The following THSD7A variants were observed in gnomAD, a reference collection of about 807,000 sequenced individuals.
THSD7A encodes the protein thrombospondin type-1 domain-containing protein 7A.
In THSD7A, 96 loss-of-function variants were observed where a neutral mutation model predicts 231.3. The ratio of observed to expected loss-of-function variants is 0.41; its 90% confidence interval spans 0.35 to 0.49. The LOEUF (loss-of-function observed/expected upper bound fraction) is 0.49. Among genes scored for constraint, THSD7A ranks in the 20% least tolerant of loss-of-function variants. THSD7A has a pLI of 0.05. For synonymous variants in THSD7A, 940 were observed against 743.3 expected (o/e 1.26, Z -4.30); for missense variants, 2,290 against 2,070.2 (o/e 1.11, Z -2.06).
intron 1 of THSD7A, among the ~76,000 whole-genome samples, chr7:11,719,658 T>C (rs2128152407): frequency 6.6e-6 from 1 of 151,714 alleles, no homozygotes; most frequent in Middle Eastern, 3.4e-3. Context: ...CTCCAGTCAT[T>C]AGAACTGTGG....
At position 11,636,956 on chromosome 7, in the gene THSD7A, A is replaced by T; in HGVS notation, c.196T>A (p.Trp66Arg). The T allele has an allele frequency of 6.3e-7, 1 of 1,598,522 alleles. No homozygotes were observed. Among genetic ancestry groups the T allele is most frequent in the Non-Finnish European group, 8.5e-7 (1 of 1,173,638 alleles). ...PTLYLWKTGP[W>R]GRCMGDECGP... ...CATTCATCTCCCATACATCGGCCCC[A>T]TGGACCTACAAAAATTATAACACAA... Residue 66 changes from tryptophan to arginine, a missense_variant, in exon 2 of 28, where the codon TGG becomes AGG. Transcript: ENST00000423059. The surrounding 1 kb of genome is among the most constrained non-coding windows in gnomAD (Gnocchi z 10.0).
intron 4 of THSD7A, among the ~76,000 whole-genome samples, chr7:11,582,927 G>GT (rs34447398): frequency 0.063 from 9,428 of 150,628 alleles, 528 homozygotes; most frequent in African/African-American, 0.15. Context: ...GTATATCTGT[G>GT]TTTTTTTTTA....
intron 13 of THSD7A, among the ~76,000 whole-genome samples, chr7:11,430,640 A>ATG (rs1312945960): frequency 1.3e-5 from 2 of 150,756 alleles, no homozygotes; most frequent in African/African-American, 2.4e-5. Flanking sequence ...GAATTTTCAT[A>ATG]TATATATATA....
intron 4 of THSD7A, among the ~76,000 whole-genome samples, chr7:11,575,071 G>A (rs1790831416): frequency 6.6e-6 from 1 of 152,076 alleles, no homozygotes; most frequent in African/African-American, 2.4e-5. Flanking sequence ...TTACCTCATA[G>A]GATTATAGTG....
intron 23 of THSD7A, among the ~76,000 whole-genome samples, chr7:11,390,970 T>G (rs1309390124): frequency 2.0e-5 from 3 of 152,198 alleles, no homozygotes; most frequent in Non-Finnish European, 4.4e-5. Flanking sequence ...CTCTGAAAAC[T>G]TCATCCCAGA....
intron 6 of THSD7A, among the ~76,000 whole-genome samples, chr7:11,499,724 T>G (rs1433926813): frequency 6.6e-6 from 1 of 152,176 alleles, no homozygotes; most frequent in Admixed American, 6.5e-5. Flanking sequence ...ATCTCAGAAC[T>G]TGAAGACTGG....
chr7:11,669,042 A>G (rs926465272), intron 1 of THSD7A, among the ~76,000 whole-genome samples: 2 of 152,162 alleles, frequency 1.3e-5, no homozygotes, highest in African/African-American at 4.8e-5. Flanking sequence ...TTCTCAGTTC[A>G]AACTATTTAT....
intron 6 of THSD7A, among the ~76,000 whole-genome samples, chr7:11,525,281 T>G (rs1424032014): frequency 1.3e-5 from 2 of 150,826 alleles, no homozygotes; most frequent in African/African-American, 4.9e-5. Flanking sequence ...AAATTCACCC[T>G]GCCAAGAAAT....
intron 1 of THSD7A, among the ~76,000 whole-genome samples, chr7:11,689,218 T>G (rs556379010): frequency 7.6e-4 from 116 of 152,020 alleles, no homozygotes; most frequent in Non-Finnish European, 1.4e-3. Flanking sequence ...ACCAAATTGG[T>G]TAAAGCTGCT....
At chr7:11,668,875 T>C (rs976956905) in intron 1 of THSD7A, among the ~76,000 whole-genome samples, 1 of 152,168 alleles carries the variant, frequency 6.6e-6, no homozygotes, top group East Asian at 1.9e-4. Context: ...ATATATAGGG[T>C]GTAGATATGT....
intron 6 of THSD7A, among the ~76,000 whole-genome samples, chr7:11,485,848 G>A (rs1786635149): frequency 6.6e-6 from 1 of 152,208 alleles, no homozygotes; most frequent in African/African-American, 2.4e-5. Context: ...TTGTTGATGA[G>A]TCCAGTGGGA....
At chr7:11,491,033 C>G (rs541269948) in intron 6 of THSD7A, among the ~76,000 whole-genome samples, 1 of 152,216 alleles carries the variant, frequency 6.6e-6, no homozygotes, top group East Asian at 1.9e-4. Flanking sequence ...CTAAACCCCA[C>G]TGTGTTCCAA....
intron 1 of THSD7A, among the ~76,000 whole-genome samples, chr7:11,773,388 A>C (rs1783298183): frequency 6.6e-6 from 1 of 152,000 alleles, no homozygotes; most frequent in Non-Finnish European, 1.5e-5. Context: ...GAAATTAGCC[A>C]GGCATGGTGG....
At chr7:11,629,573 G>C (rs1195876013) in intron 2 of THSD7A, among the ~76,000 whole-genome samples, 1 of 152,134 alleles carries the variant, frequency 6.6e-6, no homozygotes, top group Non-Finnish European at 1.5e-5. Flanking sequence ...CTTTCTCTTT[G>C]GTAAGGTTAG....
intron 1 of THSD7A, among the ~76,000 whole-genome samples, chr7:11,671,199 G>A (rs956949508): frequency 1.3e-5 from 2 of 152,184 alleles, no homozygotes; most frequent in African/African-American, 4.8e-5. Flanking sequence ...CCTAGCACTA[G>A]TGAAATCAAT....
At position 11,636,074 on chromosome 7, in the gene THSD7A, G is replaced by A. The variant is rs1054648436; in HGVS notation, c.1022+56C>T. 1.4e-6 allele frequency: 2 copies of A among 1,466,554 alleles called. No homozygotes were observed. Among genetic ancestry groups the A allele is most frequent in the South Asian group, 2.6e-5 (2 of 76,842 alleles). 90.8% of individuals were successfully genotyped at this position (1,466,554 alleles called of 1,614,324 possible). A position where few individuals can be genotyped will look rare whatever the true frequency, so the allele number is the denominator to read the frequency against. On this transcript the variant is annotated intron_variant, in intron 2 of 27. Coordinates refer to ENST00000423059, the MANE Select transcript of THSD7A (RefSeq NM_015204.3). The surrounding 1 kb of genome is among the most constrained non-coding windows in gnomAD (Gnocchi z 10.0). ...TATTAGATAGTACCGGATATCTTAGGTACTCATGATTCTTGACAGACAAGC... is the reference window on the plus strand; with the variant it reads ...TATTAGATAGTACCGGATATCTTAGATACTCATGATTCTTGACAGACAAGC...
chr7:11,540,716 T>C (rs1392282697), intron 6 of THSD7A, among the ~76,000 whole-genome samples: 1 of 152,204 alleles, frequency 6.6e-6, no homozygotes, highest in East Asian at 1.9e-4. Context: ...GTAGCAGTAC[T>C]CTTTGGAAGG....
In THSD7A at chr7:11,634,591, GTA is replaced by G. The variant is rs1491394622; in HGVS notation, c.1022+1537_1022+1538del. On this transcript the variant is annotated intron_variant, in intron 2 of 27. Transcript: ENST00000423059. This position sits in a 1 kb window ranked among gnomAD's most constrained non-coding sequence, Gnocchi z 4.1. ...AAATATACATGATACAGAATCAGAG[GTA>G]CACACACACACACACACATACACAC... Among the ~76,000 whole-genome samples the G allele has an allele frequency of 6.2e-4, 30 of 48,360 alleles. 1 individual carries two copies. The highest frequency in any genetic ancestry group is 3.9e-4 in the Non-Finnish European group (6 of 15,214). The allele number at this position is 48,360 out of a possible 152,430, so 31.7% of individuals were successfully genotyped here. A position where few individuals can be genotyped will look rare whatever the true frequency, so the allele number is the denominator to read the frequency against.
intron 1 of THSD7A, among the ~76,000 whole-genome samples, chr7:11,697,429 C>G (rs910240257): frequency 1.3e-5 from 2 of 151,278 alleles, no homozygotes; most frequent in African/African-American, 4.8e-5. Context: ...TAAAAACTTC[C>G]TCATGCTACT....
Sources: gnomAD v4.1 joint callset for allele counts (sites outside exome capture counted in the v4.1 genomes callset) on GRCh38, gnomAD v4.1.1 for gene constraint, Gnocchi (gnomAD v3.1) non-coding constraint, MANE v1.5 for transcripts, NCBI Gene and HGNC (gene_info 2026-07-23, HGNC 2026-07-21) for gene names.